The following C8orf34 variants were observed in gnomAD, a reference collection of about 807,000 sequenced individuals.
The protein encoded by C8orf34 is chromosome 8 open reading frame 34.
Under a neutral mutation model 68.3 loss-of-function variants are expected in C8orf34, and 65 were observed. The ratio of observed to expected loss-of-function variants is 0.95; its 90% CI spans 0.78 to 1.17. C8orf34 has a LOEUF of 1.17. C8orf34 is among the 50% of genes most tolerant of loss of function. The pLI is 0.00. For missense variants in C8orf34, 664 were observed against 655.4 expected, an observed-to-expected ratio of 1.01 and a Z score of -0.14; for synonymous variants, 244 against 241.2, an observed-to-expected ratio of 1.01 and a Z score of -0.11.
intron 8 of C8orf34, among the ~76,000 whole-genome samples, chr8:68,653,139 C>G (rs1465567728): frequency 6.6e-6 from 1 of 152,100 alleles, no homozygotes; most frequent in African/African-American, 2.4e-5. Context: ...ATTCTTAGTG[C>G]AGTTTAAGGT....
At chr8:68,455,518 C>T (rs571195726) in intron 3 of C8orf34, among the ~76,000 whole-genome samples, 1 of 152,070 alleles carries the variant, frequency 6.6e-6, no homozygotes, top group Non-Finnish European at 1.5e-5. Context: ...TGATTTTTGT[C>T]CTAAAATCTA....
At chr8:68,757,077 T>C (rs1480403473) in intron 10 of C8orf34, among the ~76,000 whole-genome samples, 2 of 152,220 alleles carry the variant, frequency 1.3e-5, no homozygotes, top group African/African-American at 4.8e-5. Flanking sequence ...ATGGCATTGT[T>C]AGATTGAAAA....
At chr8:68,351,781 G>T (rs368036152) in intron 1 of C8orf34, among the ~76,000 whole-genome samples, 13 of 152,148 alleles carry the variant, frequency 8.5e-5, no homozygotes, top group African/African-American at 2.9e-4. Context: ...CTGCCAAATT[G>T]TCTTCCAAAG....
chr8:68,562,154 C>G (rs1422799180), intron 7 of C8orf34, among the ~76,000 whole-genome samples: 1 of 152,186 alleles, frequency 6.6e-6, no homozygotes, highest in Non-Finnish European at 1.5e-5. Context: ...ACCAGCATCA[C>G]CACAAACACG....
At chr8:68,643,494 A>G (rs1282807568) in intron 8 of C8orf34, among the ~76,000 whole-genome samples, 1 of 152,168 alleles carries the variant, frequency 6.6e-6, no homozygotes, top group Non-Finnish European at 1.5e-5. Context: ...TGTCTTATAA[A>G]TGACAAGTAT....
intron 10 of C8orf34, among the ~76,000 whole-genome samples, chr8:68,766,023 A>G (rs1031371395): frequency 6.6e-6 from 1 of 152,228 alleles, no homozygotes; most frequent in South Asian, 2.1e-4. Flanking sequence ...GAATGAAAAA[A>G]AAATTAGAGA....
At chr8:68,629,610 C>T (rs1256217807) in intron 7 of C8orf34, among the ~76,000 whole-genome samples, 2 of 152,076 alleles carry the variant, frequency 1.3e-5, no homozygotes, top group African/African-American at 4.8e-5. Context: ...TATACAAAAT[C>T]TTATGGTCAA....
At position 68,760,660 on chromosome 8, in the gene C8orf34, GT is replaced by G. The variant is rs369035694; in HGVS notation, c.1405-15731del. Among the ~76,000 whole-genome samples, 27 of 152,022 alleles carry G rather than the reference GT, an allele frequency of 1.8e-4. 1 individual carries two copies. In the East Asian group the frequency reaches 3.3e-3, roughly 19 times the overall value. ...CAAAGGATTTCATAACTCACAGTAG[GT>G]TTTTTTTCCTTTAAATGACTTTATG... On this transcript the variant is annotated intron_variant, in intron 10 of 13. Coordinates refer to ENST00000518698, the MANE Select transcript of C8orf34 (RefSeq NM_052958.4).
intron 5 of C8orf34, among the ~76,000 whole-genome samples, 191 bp from the exon 6 acceptor site, chr8:68,521,608 C>T (rs1281937084): frequency 2.0e-5 from 3 of 152,310 alleles, no homozygotes; most frequent in Admixed American, 6.5e-5. Context: ...TCCTTTATCA[C>T]AGTGACCTTA....
chr8:68,606,406 A>G (rs1357583738), intron 7 of C8orf34, among the ~76,000 whole-genome samples: 1 of 152,170 alleles, frequency 6.6e-6, no homozygotes, highest in Non-Finnish European at 1.5e-5. Flanking sequence ...TAAGAAAATC[A>G]TAAATGAACA....
At chr8:68,504,852 G>A (rs1370527870) in intron 5 of C8orf34, among the ~76,000 whole-genome samples, 1 of 151,942 alleles carries the variant, frequency 6.6e-6, no homozygotes, top group African/African-American at 2.4e-5. Context: ...GCTAATTTTT[G>A]TATTTTAGTA....
At chr8:68,562,739 T>G (rs1563531820) in intron 7 of C8orf34, among the ~76,000 whole-genome samples, 1 of 152,236 alleles carries the variant, frequency 6.6e-6, no homozygotes, top group East Asian at 1.9e-4. Flanking sequence ...ATTGCATAAC[T>G]TACTGGTTCA....
intron 10 of C8orf34, among the ~76,000 whole-genome samples, chr8:68,757,221 A>G (rs1482206521): frequency 6.6e-6 from 1 of 152,202 alleles, no homozygotes; most frequent in Non-Finnish European, 1.5e-5. Flanking sequence ...TGTGCTTTCA[A>G]CAAGAGAGCT....
intron 7 of C8orf34, among the ~76,000 whole-genome samples, chr8:68,616,797 C>CT (rs1302973344): frequency 6.6e-6 from 1 of 152,070 alleles, no homozygotes; most frequent in Admixed American, 6.6e-5. Context: ...CTGTAGATGT[C>CT]TATTAGGTCC....
At chr8:68,372,672 T>G (rs1807611858) in intron 1 of C8orf34, among the ~76,000 whole-genome samples, 1 of 152,204 alleles carries the variant, frequency 6.6e-6, no homozygotes, top group African/African-American at 2.4e-5. Context: ...TACATAGGTA[T>G]ACACGTGCTG....
chr8:68,757,254 G>C (rs1035339770), intron 10 of C8orf34, among the ~76,000 whole-genome samples: 1 of 152,118 alleles, frequency 6.6e-6, no homozygotes, highest in African/African-American at 2.4e-5. Context: ...TGTCCCTCCA[G>C]ATTATCTAAT....
intron 10 of C8orf34, among the ~76,000 whole-genome samples, chr8:68,739,927 T>C (rs897235377): frequency 1.3e-5 from 2 of 151,714 alleles, no homozygotes; most frequent in Non-Finnish European, 3.0e-5. Context: ...TAGACCAGAA[T>C]AGAGAGCCCA....
In C8orf34 at chr8:68,479,406, TGAGAGA is replaced by T. The variant is rs10573693; in HGVS notation, c.737-8592_737-8587del. Among the ~76,000 whole-genome samples the T allele has an allele frequency of 1.8e-3, 272 of 147,436 alleles. 1 individual carries two copies. The highest frequency in any genetic ancestry group is 2.2e-3 in the African/African-American group (90 of 40,110). On this transcript the variant is annotated intron_variant, in intron 4 of 13. Coordinates refer to ENST00000518698, the MANE Select transcript of C8orf34 (RefSeq NM_052958.4). Reference sequence around the variant, plus strand: ...GTATCAGAGAGACACAGAGAAACAGTGAGAGAGAGAGAGAGAGAGAGAGAGAGAGAA... The same window carrying T: ...GTATCAGAGAGACACAGAGAAACAGTGAGAGAGAGAGAGAGAGAGAGAGAA...
At chr8:68,743,813 G>A (rs1387610677) in intron 10 of C8orf34, among the ~76,000 whole-genome samples, 2 of 152,188 alleles carry the variant, frequency 1.3e-5, no homozygotes, top group African/African-American at 4.8e-5. Flanking sequence ...GGGGAGGGGC[G>A]CCCACCATTG....
Sources: allele counts gnomAD v4.1 joint callset (sites outside exome capture counted in the v4.1 genomes callset), GRCh38; gene constraint gnomAD v4.1.1; transcripts MANE v1.5; gene names NCBI Gene and HGNC (gene_info 2026-07-23, HGNC 2026-07-21).